Variants in VPS13B observed in about 807,000 individuals in gnomAD.
VPS13B encodes vacuolar protein sorting 13 homolog B, also known as intermembrane lipid transfer protein VPS13B.
A neutral mutation model predicts 426.4 loss-of-function variants in VPS13B; 285 were observed. That is an observed-to-expected ratio of 0.67 (90% CI 0.61 to 0.74). VPS13B has a LOEUF of 0.74. VPS13B is among the 30% of genes least tolerant of loss of function. VPS13B has a pLI of 0.00. For synonymous variants in VPS13B, 1,676 were observed against 1,676.4 expected (o/e 1.00, Z 0.01); for missense variants, 4,537 against 4,782.6 (o/e 0.95, Z 1.51).
chr8:99,182,164 AC>A (rs1812978062), intron 16 of VPS13B, among the ~76,000 whole-genome samples: 1 of 152,218 alleles, frequency 6.6e-6, no homozygotes, highest in African/African-American at 2.4e-5. Context: ...AACAAATACC[AC>A]TCATCAATAA....
At position 99,623,243 on chromosome 8, in the gene VPS13B, C is replaced by T. The variant is rs1042458444; in HGVS notation, c.5221-18568C>T. Among the ~76,000 whole-genome samples, 5 of 152,240 alleles carry T rather than the reference C, an allele frequency of 3.3e-5. No homozygotes were observed. The South Asian group carries it at 8.3e-4, about 25-fold the overall frequency. ...CACCAGACCTTTGCAAAGGTGCTTT[C>T]CCAGCAGCTTGAGTCTTTACTCAAT... On this transcript the variant is annotated intron_variant, in intron 33 of 61. Coordinates refer to ENST00000357162, the MANE Select transcript of VPS13B (RefSeq NM_152564.5).
chr8:99,033,661 T>A (rs1217114245), intron 2 of VPS13B, among the ~76,000 whole-genome samples: 1 of 152,104 alleles, frequency 6.6e-6, no homozygotes, highest in East Asian at 1.9e-4. Context: ...TTTGGGAGGC[T>A]GAGGTGGGTG....
intron 51 of VPS13B, among the ~76,000 whole-genome samples, chr8:99,832,082 C>T (rs551032339): frequency 1.3e-5 from 2 of 151,980 alleles, no homozygotes; most frequent in South Asian, 2.1e-4. Flanking sequence ...GCCAACATAG[C>T]GAAACCCCAT....
chr8:99,635,517 CA>C (rs1829033419), intron 33 of VPS13B, among the ~76,000 whole-genome samples: 1 of 151,772 alleles, frequency 6.6e-6, no homozygotes, highest in Non-Finnish European at 1.5e-5. Context: ...AGTTTTCTTA[CA>C]AAGACAAAAA....
intron 21 of VPS13B, among the ~76,000 whole-genome samples, chr8:99,411,289 G>C (rs1815648365): frequency 6.6e-6 from 1 of 152,122 alleles, no homozygotes; most frequent in African/African-American, 2.4e-5. Context: ...TTGTGGTTTT[G>C]ATTTGCATTT....
intron 3 of VPS13B, among the ~76,000 whole-genome samples, chr8:99,038,785 C>A (rs757053918): frequency 7.2e-6 from 1 of 139,620 alleles, no homozygotes; most frequent in Non-Finnish European, 1.5e-5. Context: ...CTCCTGGGTT[C>A]AAGTGATTTT....
chr8:99,536,364 GA>G (rs955838246), intron 30 of VPS13B, among the ~76,000 whole-genome samples: 70 of 151,876 alleles, frequency 4.6e-4, no homozygotes, highest in Non-Finnish European at 6.5e-4. Context: ...CAACCATAAG[GA>G]AAAAAATTAA....
At chr8:99,320,504 GTTTAAC>G (rs1296274422) in intron 19 of VPS13B, among the ~76,000 whole-genome samples, 2 of 151,912 alleles carry the variant, frequency 1.3e-5, no homozygotes, top group Non-Finnish European at 2.9e-5. Context: ...TGTGTTACTT[GTTTAAC>G]TTTAATCTTA....
chr8:99,232,942 A>G (rs977440384), intron 17 of VPS13B: 6 of 612,562 alleles, frequency 9.8e-6, no homozygotes, highest in South Asian at 6.3e-5. Flanking sequence ...CATTCCTCAG[A>G]TGGTCTTTGG....
At chr8:99,126,911 T>C (rs1848209247) in intron 8 of VPS13B, among the ~76,000 whole-genome samples, 2 of 151,996 alleles carry the variant, frequency 1.3e-5, no homozygotes, top group Non-Finnish European at 2.9e-5. Flanking sequence ...CATGCAAATA[T>C]GGTGAAACTC....
intron 3 of VPS13B, among the ~76,000 whole-genome samples, chr8:99,054,331 C>T (rs894911719): frequency 9.2e-5 from 14 of 152,328 alleles, no homozygotes; most frequent in Admixed American, 7.8e-4. Flanking sequence ...TCTTCACCGA[C>T]ACTTATTTTC....
chr8:99,834,822 G>T (rs911072235), intron 52 of VPS13B, among the ~76,000 whole-genome samples: 3 of 152,200 alleles, frequency 2.0e-5, no homozygotes, highest in Non-Finnish European at 4.4e-5. Flanking sequence ...GGCTCCCAAA[G>T]TGCCGGGATT....
chr8:99,029,297 G>A (rs986923804), intron 2 of VPS13B, among the ~76,000 whole-genome samples: 5 of 150,096 alleles, frequency 3.3e-5, no homozygotes, highest in African/African-American at 4.9e-5. Context: ...TTCCAGACTG[G>A]GCAGCCAGGC....
chr8:99,552,530 A>G (rs1222711915), intron 30 of VPS13B, among the ~76,000 whole-genome samples: 1 of 151,232 alleles, frequency 6.6e-6, no homozygotes, highest in Non-Finnish European at 1.5e-5. Flanking sequence ...AAATCTTGGA[A>G]CATTGCTTTT....
At chr8:99,471,107 G>C (rs1382647718) in intron 24 of VPS13B, among the ~76,000 whole-genome samples, 8 of 152,138 alleles carry the variant, frequency 5.3e-5, no homozygotes, top group African/African-American at 1.9e-4. Flanking sequence ...GAAAAGCTAA[G>C]AAAGTTTGTC....
At chr8:99,501,308 A>G (rs1331298612) in intron 25 of VPS13B, among the ~76,000 whole-genome samples, 1 of 152,190 alleles carries the variant, frequency 6.6e-6, no homozygotes, top group Non-Finnish European at 1.5e-5. Context: ...AGTCATATGC[A>G]GTCAGTACAT....
chr8:99,165,197 A>C (rs997513406), intron 15 of VPS13B, among the ~76,000 whole-genome samples: 3 of 152,268 alleles, frequency 2.0e-5, no homozygotes, highest in Admixed American at 1.3e-4. Flanking sequence ...GAACTGTTTA[A>C]ATCTGCTGTC....
At chr8:99,535,743 T>C (rs1173340668) in intron 30 of VPS13B, among the ~76,000 whole-genome samples, 7 of 152,148 alleles carry the variant, frequency 4.6e-5, no homozygotes, top group Non-Finnish European at 8.8e-5. Flanking sequence ...TCATTCTCAT[T>C]CTAGCCTGTA....
chr8:99,078,339 A>G (rs1845252334), intron 3 of VPS13B, among the ~76,000 whole-genome samples: 1 of 141,882 alleles, frequency 7.0e-6, no homozygotes, highest in South Asian at 2.4e-4. Context: ...TTATAGATGC[A>G]TCTATTATGT....
Sources: allele counts gnomAD v4.1 joint callset (sites outside exome capture counted in the v4.1 genomes callset), GRCh38; gene constraint gnomAD v4.1.1; transcripts MANE v1.5; gene names NCBI Gene and HGNC (gene_info 2026-07-23, HGNC 2026-07-21).